MCM2: variants seen among roughly 807,000 people sequenced by gnomAD.
The protein encoded by MCM2 is minichromosome maintenance complex component 2, also known as DNA replication licensing factor MCM2.
MCM2 carries 49 observed loss-of-function variants against 86.4 expected under a neutral mutation model. The observed-to-expected ratio is 0.57, with a 90% CI of 0.45 to 0.72. The LOEUF (loss-of-function observed/expected upper bound fraction) is 0.72, where lower values mean the gene tolerates loss of function less well. MCM2 is among the 30% of genes least tolerant of loss of function. MCM2 has a pLI of 0.00. For synonymous variants in MCM2, 475 were observed against 484.6 expected (o/e 0.98, Z 0.26); for missense variants, 1,038 against 1,259.9 (o/e 0.82, Z 2.67).
rs2074451125 is a variant in MCM2, at chr3:127,618,593, C to G, written c.2014-434C>G. ...CACCTGCCCTTCTCTCTCAAAAGGG[C>G]CGAGCCTTGGGGCTTGATTGTGCTC... On this transcript the variant is annotated intron_variant, in intron 12 of 15. Coordinates refer to ENST00000265056, the MANE Select transcript of MCM2 (RefSeq NM_004526.4). The surrounding 1 kb of genome is among the most constrained non-coding windows in gnomAD (Gnocchi z 4.0). Among the ~76,000 whole-genome samples the G allele has an allele frequency of 6.6e-6, 1 of 152,112 alleles. No homozygotes were observed. Among genetic ancestry groups the G allele is most frequent in the Non-Finnish European group, 1.5e-5 (1 of 68,028 alleles).
At position 127,605,663 on chromosome 3, in the gene MCM2, C is replaced by T. The variant is rs950117086; in HGVS notation, c.674-455C>T. 1.1e-4 allele frequency among the ~76,000 whole-genome samples: 17 copies of T among 152,050 alleles called. No individual in the cohort carries two copies. The East Asian group carries it at 2.9e-3, about 26-fold the overall frequency. Reference sequence around the variant, plus strand: ...CCATGTTGGTCAGACTGGTCTCAAACTCCCGACCTCAGGTGATTTGCCCGC... The same window carrying T: ...CCATGTTGGTCAGACTGGTCTCAAATTCCCGACCTCAGGTGATTTGCCCGC... On this transcript the variant is annotated intron_variant, in intron 4 of 15. Transcript: ENST00000265056.
chr3:127,599,055 GA>G, intron 1 of MCM2: 1 of 552,964 alleles, frequency 1.8e-6, no homozygotes, highest in Non-Finnish European at 3.2e-6. Flanking sequence ...TTTTCATGGA[GA>G]AAGCACGGTG....
At position 127,602,357 on chromosome 3, in the gene MCM2, A is replaced by T. The variant is rs562902849; in HGVS notation, c.237-2251A>T. On this transcript the variant is annotated intron_variant, in intron 2 of 15. Coordinates refer to ENST00000265056, the MANE Select transcript of MCM2 (RefSeq NM_004526.4). ...ACAGCATAAAAAGATTTGTTCTGAC[A>T]GTAGTTTGACAATGTTTATTGCAGA... is the stretch of plus-strand genomic sequence containing the variant. Among the ~76,000 whole-genome samples the T allele has an allele frequency of 9.2e-5, 14 of 152,234 alleles. No homozygotes were observed. In the East Asian group the frequency reaches 2.7e-3, roughly 29 times the overall value.
At chr3:127,601,931 T>C (rs1313740480) in intron 2 of MCM2, among the ~76,000 whole-genome samples, 2 of 152,206 alleles carry the variant, frequency 1.3e-5, no homozygotes, top group Non-Finnish European at 2.9e-5. Context: ...TTTCGTATGC[T>C]TGATTGGCTA....
In MCM2 at chr3:127,618,577, TTC is replaced by T. The variant is rs572275339; in HGVS notation, c.2014-443_2014-442del. Among the ~76,000 whole-genome samples, 1 of 152,110 alleles carries T rather than the reference TTC, an allele frequency of 6.6e-6. No homozygotes were observed. The highest frequency in any genetic ancestry group is 6.5e-5 in the Admixed American group (1 of 15,282). ...CCCTCACCTGCACCTGCACCTGCCCTTCTCTCTCAAAAGGGCCGAGCCTTGGG... is the reference window on the plus strand; with the variant it reads ...CCCTCACCTGCACCTGCACCTGCCCTTCTCTCAAAAGGGCCGAGCCTTGGG... On this transcript the variant is annotated intron_variant, in intron 12 of 15. Coordinates refer to ENST00000265056, the MANE Select transcript of MCM2 (RefSeq NM_004526.4). This position sits in a 1 kb window ranked among gnomAD's most constrained non-coding sequence, Gnocchi z 4.0.
chr3:127,604,441 C>T (rs951908315), intron 2 of MCM2, among the ~76,000 whole-genome samples, 167 bp from the exon 3 acceptor site: 6 of 152,202 alleles, frequency 3.9e-5, no homozygotes, highest in Non-Finnish European at 7.3e-5. Flanking sequence ...TTTTGTTCAT[C>T]CATTGGAGAT....
intron 8 of MCM2, among the ~76,000 whole-genome samples, chr3:127,609,687 TACTTA>T (rs1473781137): frequency 6.6e-6 from 1 of 152,074 alleles, no homozygotes; most frequent in Non-Finnish European, 1.5e-5. Flanking sequence ...AAATACGGAT[TACTTA>T]AACAGAACGT....
At chr3:127,602,733 A>C (rs2074314244) in intron 2 of MCM2, among the ~76,000 whole-genome samples, 2 of 152,236 alleles carry the variant, frequency 1.3e-5, no homozygotes, top group Admixed American at 1.3e-4. Flanking sequence ...AGAGTAGCTC[A>C]AAGGGTTGAG....
intron 9 of MCM2, 41 bp downstream of exon 9, chr3:127,615,996 T>C (rs1342565698): frequency 6.8e-7 from 1 of 1,473,372 alleles, no homozygotes; most frequent in Non-Finnish European, 9.5e-7. Context: ...TTAGCAGCTT[T>C]CTCTTTGGGG....
intron 13 of MCM2, among the ~76,000 whole-genome samples, chr3:127,620,411 C>G (rs2074467624): frequency 6.6e-6 from 1 of 152,182 alleles, no homozygotes; most frequent in Non-Finnish European, 1.5e-5. Context: ...TACAGCTGGC[C>G]ACAAATACAA....
Position 127,608,321 on chromosome 3 carries a change from G to A in MCM2, c.1102-61G>A, listed in dbSNP as rs530675149. The A allele has an allele frequency of 2.5e-6, 4 of 1,588,342 alleles. No homozygotes were observed. In the African/African-American group the frequency reaches 5.4e-5, roughly 21 times the overall value. On this transcript the variant is annotated intron_variant, in intron 6 of 15. Coordinates refer to ENST00000265056, the MANE Select transcript of MCM2 (RefSeq NM_004526.4). The stretch of plus-strand genomic sequence containing the variant: ...CCTGCCTGTTCTCCCTCCTGTTCGG[G>A]GGTCAAGGTTAGGTGACATAGTAAG...
Position 127,617,394 on chromosome 3 carries a change from C to T in MCM2, c.1889C>T (p.Ala630Val), listed in dbSNP as rs1362932926. ...GCTCGCTGCACGGTCATTGCTGCCG[C>T]CAACCCCATAGGTGCAGCAGGCACC... Reference protein sequence around the residue: ...LQARCTVIAAANPIGGRYDPS... With the variant: ...LQARCTVIAAVNPIGGRYDPS... The change falls in exon 11 of 16, where the codon GCC becomes GTC. Residue 630 changes from alanine (A) to valine (V), a missense_variant. Transcript: ENST00000265056. This position sits in a 1 kb window ranked among gnomAD's most constrained non-coding sequence, Gnocchi z 4.1. The T allele has an allele frequency of 3.7e-6, 6 of 1,613,748 alleles. No individual in the cohort carries two copies. Among genetic ancestry groups the T allele is most frequent in the South Asian group, 3.3e-5 (3 of 91,044 alleles).
chr3:127,621,074 C>G lies in MCM2; in HGVS notation c.2450C>G (p.Thr817Ser), dbSNP rs1005867936. 14 of 1,614,160 alleles carry G rather than the reference C, an allele frequency of 8.7e-6. No homozygotes were observed. The highest frequency in any genetic ancestry group is 2.2e-5 in the South Asian group (2 of 91,086). The stretch of plus-strand genomic sequence containing the variant: ...TTGACTGAGGCTTTTTTCCTGCAGA[C>G]TTTTGCCCGCTACCTTTCATTCCGG... ...KFSVMRSMRK[T>S]FARYLSFRRD... The change falls in exon 15 of 16, where the codon ACT becomes AGT. Residue 817 changes from threonine to serine, a missense_variant and splice_region_variant. Physicochemically the swap from Thr to Ser is moderately conservative, Grantham distance 58 (BLOSUM62 1). Around this residue, in one of 4 missense-constraint regions of MCM2, gnomAD observed 336 missense variants for 425.7 expected, o/e 0.79. Coordinates refer to ENST00000265056, the MANE Select transcript of MCM2 (RefSeq NM_004526.4).
chr3:127,607,701 C>A (rs939063122), intron 6 of MCM2, among the ~76,000 whole-genome samples: 1 of 152,344 alleles, frequency 6.6e-6, no homozygotes, highest in African/African-American at 2.4e-5. Flanking sequence ...GAGTAACTTA[C>A]CAGTGCCAGG....
chr3:127,617,869 C>A lies in MCM2; in HGVS notation c.1901-100C>A. 2.4e-6 allele frequency: 2 copies of A among 849,516 alleles called. No homozygotes were observed. Among genetic ancestry groups the A allele is most frequent in the Non-Finnish European group, 3.8e-6 (2 of 520,136 alleles). 52.6% of individuals were successfully genotyped at this position (849,516 alleles called of 1,614,324 possible). A position where few individuals can be genotyped will look rare whatever the true frequency, so the allele number is the denominator to read the frequency against. Reference sequence around the variant, plus strand: ...AAGTACCCACCTATGTCTTCCTCTTCCACTGCCCTCATCCCCTTCTGCCAT... The same window carrying A: ...AAGTACCCACCTATGTCTTCCTCTTACACTGCCCTCATCCCCTTCTGCCAT... On this transcript the variant is annotated intron_variant, in intron 11 of 15. Coordinates refer to ENST00000265056, the MANE Select transcript of MCM2 (RefSeq NM_004526.4). The surrounding 1 kb of genome is among the most constrained non-coding windows in gnomAD (Gnocchi z 4.1).
chr3:127,602,243 G>C (rs2074311332), intron 2 of MCM2, among the ~76,000 whole-genome samples: 1 of 149,826 alleles, frequency 6.7e-6, no homozygotes, highest in South Asian at 2.1e-4. Flanking sequence ...CAGGGAGAAT[G>C]GGACCGATAC....
rs1361979182 is a variant in MCM2, at chr3:127,618,496, TC to T, written c.2013+417del. The stretch of plus-strand genomic sequence containing the variant: ...GCTGTCATCAGAATAGAATCCAGGG[TC>T]CTCCCCTCCGGCCCGCACCCGCCAT... On this transcript the variant is annotated intron_variant, in intron 12 of 15. Coordinates refer to ENST00000265056, the MANE Select transcript of MCM2 (RefSeq NM_004526.4). The surrounding 1 kb of genome is among the most constrained non-coding windows in gnomAD (Gnocchi z 4.0). 6.6e-5 allele frequency among the ~76,000 whole-genome samples: 10 copies of T among 152,044 alleles called. No individual in the cohort carries two copies. The highest frequency in any genetic ancestry group is 2.4e-4 in the African/African-American group (10 of 41,462).
At chr3:127,603,176 T>A (rs2074317464) in intron 2 of MCM2, among the ~76,000 whole-genome samples, 1 of 151,946 alleles carries the variant, frequency 6.6e-6, no homozygotes, top group African/African-American at 2.4e-5. Context: ...AATTTTTGTA[T>A]TTTTAGTAGA....
rs767768760 is a variant in MCM2, at chr3:127,606,284, C to T, written c.840C>T (p.His280=). Residue 280 remains histidine (H), a synonymous_variant, in exon 5 of 16, where the codon CAC becomes CAT. Coordinates refer to ENST00000265056, the MANE Select transcript of MCM2 (RefSeq NM_004526.4). The surrounding 1 kb of genome is among the most constrained non-coding windows in gnomAD (Gnocchi z 4.2). ...CCAAGTACGACCGCATCACCAACCACATCCATGTCCGCATCTCCCACCTGC... is the reference window on the plus strand; with the variant it reads ...CCAAGTACGACCGCATCACCAACCATATCCATGTCCGCATCTCCCACCTGC... ...MYPKYDRITN[H]IHVRISHLPL... 10 of 1,614,262 alleles carry T rather than the reference C, an allele frequency of 6.2e-6. No individual in the cohort carries two copies. Among genetic ancestry groups the T allele is most frequent in the Middle Eastern group, 1.6e-4 (1 of 6,062 alleles).
Sources: gnomAD v4.1 joint callset for allele counts (sites outside exome capture counted in the v4.1 genomes callset) on GRCh38, gnomAD v4.1.1 for gene constraint, gnomAD v4.1.1 regional missense constraint, Gnocchi (gnomAD v3.1) non-coding constraint, MANE v1.5 for transcripts, NCBI Gene and HGNC (gene_info 2026-07-23, HGNC 2026-07-21) for gene names.